The following JMJD1C variants were observed in gnomAD, a reference collection of about 807,000 sequenced individuals.
The protein encoded by JMJD1C is jumonji domain-containing protein 1C.
In JMJD1C, 31 loss-of-function variants were observed where a neutral mutation model predicts 245.3. That is an observed-to-expected ratio of 0.13 (90% CI 0.09 to 0.17). The LOEUF is 0.17. Ranked by LOEUF, JMJD1C falls within the 10% of genes least tolerant of loss-of-function variation. The probability of loss-of-function intolerance (pLI) is 1.00; values close to 1 mark genes in which losing one functional copy is unlikely to be tolerated. For missense variants in JMJD1C, 2,691 were observed against 3,000.2 expected, an observed-to-expected ratio of 0.90 and a Z score of 2.41; for synonymous variants, 1,057 against 1,017.4, an observed-to-expected ratio of 1.04 and a Z score of -0.74.
chr10:63,314,405 C>G (rs1020289277), intron 2 of JMJD1C, among the ~76,000 whole-genome samples: 1 of 152,102 alleles, frequency 6.6e-6, no homozygotes, highest in African/African-American at 2.4e-5. Flanking sequence ...ACTAAAAATG[C>G]AAAAGTTAGC....
intron 1 of JMJD1C, among the ~76,000 whole-genome samples, chr10:63,463,031 C>T (rs1039724348): frequency 6.6e-6 from 1 of 152,060 alleles, no homozygotes; most frequent in African/African-American, 2.4e-5. Context: ...AGGTTTGTGG[C>T]ACATGTCCTG....
In JMJD1C at chr10:63,399,550, GCAA is replaced by G. The variant is rs543268013; in HGVS notation, c.169-19071_169-19069del. On this transcript the variant is annotated intron_variant, in intron 1 of 25. Coordinates refer to ENST00000399262, the MANE Select transcript of JMJD1C (RefSeq NM_032776.3). ...TCTCTTATACTGAAAATCTTGTTAT[GCAA>G]CAACATAAACTCATTTACTTTGTCA... is the stretch of plus-strand genomic sequence containing the variant. 2.6e-3 allele frequency among the ~76,000 whole-genome samples: 402 copies of G among 151,928 alleles called. 2 individuals carry two copies. The highest frequency in any genetic ancestry group is 4.9e-3 in the Non-Finnish European group (332 of 67,970).
At chr10:63,411,546 G>T (rs111626526) in intron 1 of JMJD1C, among the ~76,000 whole-genome samples, 1 of 151,396 alleles carries the variant, frequency 6.6e-6, no homozygotes, top group African/African-American at 2.4e-5. Context: ...TGATCCGCCT[G>T]CCTGGGCCTC....
chr10:63,464,427 A>C (rs1953035504), intron 1 of JMJD1C, among the ~76,000 whole-genome samples: 1 of 139,712 alleles, frequency 7.2e-6, no homozygotes, highest in South Asian at 2.5e-4. Context: ...GTAAGCTTTC[A>C]TGCACACAAA....
At chr10:63,292,635 A>G (rs1858917122) in intron 2 of JMJD1C, among the ~76,000 whole-genome samples, 1 of 152,076 alleles carries the variant, frequency 6.6e-6, no homozygotes, top group Non-Finnish European at 1.5e-5. Flanking sequence ...AAAACAGGAC[A>G]ATCATCACAT....
At chr10:63,312,440 G>A (rs1939351538) in intron 2 of JMJD1C, among the ~76,000 whole-genome samples, 1 of 151,920 alleles carries the variant, frequency 6.6e-6, no homozygotes, top group African/African-American at 2.4e-5. Flanking sequence ...TCTGTGTGCT[G>A]GTAAGTAAAT....
At chr10:63,315,860 C>T (rs1307484049) in intron 2 of JMJD1C, among the ~76,000 whole-genome samples, 2 of 138,354 alleles carry the variant, frequency 1.4e-5, no homozygotes, top group Non-Finnish European at 3.1e-5. Context: ...AAAAACACCA[C>T]GAAAAAAAAA....
rs1589205278 is a variant in JMJD1C at position 63,223,888 on chromosome 10, G to A, written c.448-3905C>T. ...CCTGCCTCAGCCTCCTGAGTACCTG[G>A]GATTACAGGTGCCCACCACCAAGCC... is the stretch of plus-strand genomic sequence containing the variant. On this transcript the variant is annotated intron_variant, in intron 3 of 25. Coordinates refer to ENST00000399262, the MANE Select transcript of JMJD1C (RefSeq NM_032776.3). Among the ~76,000 whole-genome samples the A allele has an allele frequency of 4.0e-5, 6 of 151,880 alleles. 1 individual carries two copies. The highest frequency in any genetic ancestry group is 3.9e-4 in the Admixed American group (6 of 15,242).
intron 10 of JMJD1C, among the ~76,000 whole-genome samples, chr10:63,202,030 G>A (rs1280623642): frequency 1.3e-5 from 2 of 152,048 alleles, no homozygotes; most frequent in Admixed American, 1.3e-4. Flanking sequence ...TGAGGTGGGT[G>A]GATCACTTGA....
intron 1 of JMJD1C, among the ~76,000 whole-genome samples, chr10:63,393,307 C>A (rs1948225422): frequency 6.6e-6 from 1 of 152,038 alleles, no homozygotes; most frequent in African/African-American, 2.4e-5. Flanking sequence ...CAACATGAAT[C>A]ATCAGGGAAA....
At chr10:63,432,440 TTG>T (rs10574458) in intron 1 of JMJD1C, among the ~76,000 whole-genome samples, 149,854 of 152,102 alleles carry the variant, frequency 0.99, 73,854 homozygotes, top group Middle Eastern at 1. Context: ...AACCCACCCA[TTG>T]TGTGTGTGTG....
At chr10:63,486,303 G>C (rs888874634) in intron 1 of JMJD1C, among the ~76,000 whole-genome samples, 3 of 152,042 alleles carry the variant, frequency 2.0e-5, no homozygotes, top group Admixed American at 1.3e-4. Context: ...AGCATGGATA[G>C]AGCGAGTGCT....
At chr10:63,206,442 T>C (rs1236432635) in intron 10 of JMJD1C, among the ~76,000 whole-genome samples, 153 bp downstream of exon 10, 5 of 152,230 alleles carry the variant, frequency 3.3e-5, no homozygotes, top group South Asian at 2.1e-4. Flanking sequence ...TTGTGAAATG[T>C]AGAAATGAGA....
At chr10:63,261,135 T>A (rs1274994483) in intron 3 of JMJD1C, among the ~76,000 whole-genome samples, 1 of 152,168 alleles carries the variant, frequency 6.6e-6, no homozygotes, top group Non-Finnish European at 1.5e-5. Flanking sequence ...TATCGAGGCC[T>A]GTTGCTTCAG....
At chr10:63,215,772 C>A (rs761484774) in intron 5 of JMJD1C, 76 bp from the exon 6 acceptor site, 12 of 1,034,460 alleles carry the variant, frequency 1.2e-5, no homozygotes, top group Non-Finnish European at 1.6e-5. Context: ...TTTCTTTACT[C>A]AGTAGAAATG....
chr10:63,372,364 T>C (rs1255157805), intron 2 of JMJD1C, among the ~76,000 whole-genome samples: 1 of 152,236 alleles, frequency 6.6e-6, no homozygotes, highest in Non-Finnish European at 1.5e-5. Context: ...AGGACTTCTG[T>C]TTCTTCCTTT....
chr10:63,170,195 T>G (rs1172674963), intron 24 of JMJD1C, among the ~76,000 whole-genome samples: 1 of 152,244 alleles, frequency 6.6e-6, no homozygotes, highest in Admixed American at 6.5e-5. Flanking sequence ...TGATTTCTGC[T>G]GGCTCTTTGA....
In JMJD1C at chr10:63,168,061, T is replaced by A. The variant is rs754361527; in HGVS notation, c.7607A>T (p.Asp2536Val). The change falls in exon 26 of 26, where the codon GAT (aspartate) becomes GTT (valine). Residue 2536 changes from aspartate (D) to valine (V), a missense_variant. Physicochemically the swap from Asp to Val is radical, Grantham distance 152. Coordinates refer to ENST00000399262, the MANE Select transcript of JMJD1C (RefSeq NM_032776.3). ...ALKIHEDEVE[D>V]MEEN Reference sequence around the variant, plus strand: ...GGATCACACTTAATTTTCTTCCATATCCTCTACTTCATCCTCGTGTATCTT... The same window carrying A: ...GGATCACACTTAATTTTCTTCCATAACCTCTACTTCATCCTCGTGTATCTT... The A allele has an allele frequency of 6.3e-7, 1 of 1,587,742 alleles. No individual in the cohort carries two copies. The highest frequency in any genetic ancestry group is 1.1e-5 in the South Asian group (1 of 90,438).
chr10:63,421,740 T>C (rs1438048290), intron 1 of JMJD1C, among the ~76,000 whole-genome samples: 2 of 152,146 alleles, frequency 1.3e-5, no homozygotes, highest in African/African-American at 2.4e-5. Flanking sequence ...CTGGAGTACT[T>C]TTAAGAGGAA....
Sources: gnomAD v4.1 joint callset for allele counts (sites outside exome capture counted in the v4.1 genomes callset) on GRCh38, gnomAD v4.1.1 for gene constraint, MANE v1.5 for transcripts, NCBI Gene and HGNC (gene_info 2026-07-23, HGNC 2026-07-21) for gene names.